FBH1: variants seen among roughly 807,000 people sequenced by gnomAD.
FBH1 encodes F-box DNA helicase 1.
FBH1 carries 43 observed loss-of-function variants against 115.5 expected under a neutral mutation model. The observed-to-expected ratio is 0.37, with a 90% confidence interval of 0.29 to 0.48. The LOEUF (loss-of-function observed/expected upper bound fraction) is 0.48. Among genes scored for constraint, FBH1 ranks in the 20% least tolerant of loss-of-function variants. The pLI, the probability that FBH1 is intolerant of heterozygous loss-of-function variation, is 0.99. For missense variants in FBH1, 1,001 were observed against 1,337.3 expected, an observed-to-expected ratio of 0.75 and a Z score of 3.92; for synonymous variants, 524 against 507.8, an observed-to-expected ratio of 1.03 and a Z score of -0.43.
At chr10:5,894,407 A>G in intron 1 of FBH1, 2 of 1,611,934 alleles carry the variant, frequency 1.2e-6, no homozygotes, top group Non-Finnish European at 1.7e-6. Flanking sequence ...GTGTCTAGAT[A>G]CAGAGTGAAG....
Position 5,932,570 on chromosome 10 carries a change from C to T in FBH1, c.2830-3886C>T, listed in dbSNP as rs948046516. Reference sequence around the variant, plus strand: ...CCGTTCTCGCTCATGGACGTGGTCACTTCCAGCCTTTTGCTTTCATTAATA... The same window carrying T: ...CCGTTCTCGCTCATGGACGTGGTCATTTCCAGCCTTTTGCTTTCATTAATA... On this transcript the variant is annotated intron_variant, in intron 19 of 20. Coordinates refer to ENST00000362091, the MANE Select transcript of FBH1 (RefSeq NM_178150.3). The surrounding 1 kb of genome is among the most constrained non-coding windows in gnomAD (Gnocchi z 5.9). 1.3e-5 allele frequency among the ~76,000 whole-genome samples: 2 copies of T among 152,214 alleles called. No individual in the cohort carries two copies. The highest frequency in any genetic ancestry group is 2.4e-5 in the African/African-American group (1 of 41,444).
At chr10:5,919,547 T>C (rs1450479364) in intron 13 of FBH1, among the ~76,000 whole-genome samples, 1 of 152,200 alleles carries the variant, frequency 6.6e-6, no homozygotes, top group African/African-American at 2.4e-5. Flanking sequence ...ATGGTAAATA[T>C]AGATAGATAG....
rs1437876422 is a variant in FBH1 at position 5,932,117 on chromosome 10, AGCCTGG to A, written c.2830-4337_2830-4332del. Among the ~76,000 whole-genome samples, 1 of 152,252 alleles carries A rather than the reference AGCCTGG, an allele frequency of 6.6e-6. No individual in the cohort carries two copies. The highest frequency in any genetic ancestry group is 1.5e-5 in the Non-Finnish European group (1 of 68,048). ...AGCTGAGATTGTGCCACTGCACTCC[AGCCTGG>A]GTGACAGAGTGAGACCCTGTCTCAA... On this transcript the variant is annotated intron_variant, in intron 19 of 20. Coordinates refer to ENST00000362091, the MANE Select transcript of FBH1 (RefSeq NM_178150.3). The surrounding 1 kb of genome is among the most constrained non-coding windows in gnomAD (Gnocchi z 5.9).
rs531601376 is a variant in FBH1, at chr10:5,925,508, G to T, written c.2722+16G>T. 1 of 1,612,952 alleles carries T rather than the reference G, an allele frequency of 6.2e-7. No individual in the cohort carries two copies. Among genetic ancestry groups the T allele is most frequent in the Non-Finnish European group, 8.5e-7 (1 of 1,179,832 alleles). On this transcript the variant is annotated intron_variant, in intron 18 of 20. Coordinates refer to ENST00000362091, the MANE Select transcript of FBH1 (RefSeq NM_178150.3). The surrounding 1 kb of genome is among the most constrained non-coding windows in gnomAD (Gnocchi z 4.6). The stretch of plus-strand genomic sequence containing the variant: ...TTCAGAGTTGGTAAGAGGCCGCCGG[G>T]TAGTGTCAGGTGCTGCTGTATGTAG...
chr10:5,897,567 T>C lies in FBH1; in HGVS notation c.2-5453T>C, dbSNP rs1430936634. Among the ~76,000 whole-genome samples, 3 of 152,168 alleles carry C rather than the reference T, an allele frequency of 2.0e-5. No individual in the cohort carries two copies. The highest frequency in any genetic ancestry group is 4.4e-5 in the Non-Finnish European group (3 of 67,998). ...GTGGGGAATCCAATAAAAGTGTTAA[T>C]AAAAATCCAATAAAAGTACCAGCTC... On this transcript the variant is annotated intron_variant, in intron 1 of 20. Transcript: ENST00000362091. This position sits in a 1 kb window ranked among gnomAD's most constrained non-coding sequence, Gnocchi z 4.7.
At position 5,921,332 on chromosome 10, in the gene FBH1, G is replaced by T; in HGVS notation, c.2175G>T (p.Lys725Asn). Residue 725 changes from lysine to asparagine, a missense_variant, in exon 14 of 21, where the codon AAG (lysine) becomes AAT (asparagine). This residue lies in a region of FBH1 where 521 missense variants were observed against 811.0 expected (regional missense o/e 0.64). Transcript: ENST00000362091. This position sits in a 1 kb window ranked among gnomAD's most constrained non-coding sequence, Gnocchi z 6.4. ...ILDVCKRVRK[K>N]TLVGGNHQSG... ...ATGTTTGCAAGAGAGTCAGGAAAAAGACTTTGGTTGGAGGAAACCATCAGA... is the reference window on the plus strand; with the variant it reads ...ATGTTTGCAAGAGAGTCAGGAAAAATACTTTGGTTGGAGGAAACCATCAGA... 1 of 1,614,188 alleles carries T rather than the reference G, an allele frequency of 6.2e-7. No homozygotes were observed. The highest frequency in any genetic ancestry group is 8.5e-7 in the Non-Finnish European group (1 of 1,180,032).
chr10:5,907,800 A>G (rs1168685947), intron 3 of FBH1, among the ~76,000 whole-genome samples: 2 of 152,114 alleles, frequency 1.3e-5, no homozygotes, highest in East Asian at 3.8e-4. Flanking sequence ...ATATCCATAT[A>G]TTTGTGGATT....
rs1377422833 is a variant in FBH1, at chr10:5,925,745, C to T, written c.2722+253C>T. The stretch of plus-strand genomic sequence containing the variant: ...TGGGATGATGATGTTTGTGGCGGCC[C>T]TGTGAGCCCTGCACTGCCCTCAGCT... On this transcript the variant is annotated intron_variant, in intron 18 of 20. Transcript: ENST00000362091. The surrounding 1 kb of genome is among the most constrained non-coding windows in gnomAD (Gnocchi z 4.6). Among the ~76,000 whole-genome samples, 1 of 152,240 alleles carries T rather than the reference C, an allele frequency of 6.6e-6. No homozygotes were observed. Among genetic ancestry groups the T allele is most frequent in the African/African-American group, 2.4e-5 (1 of 41,466 alleles).
chr10:5,893,920 C>A, intron 1 of FBH1: 1 of 882,672 alleles, frequency 1.1e-6, no homozygotes, highest in Non-Finnish European at 1.4e-6. Context: ...AAATTATATT[C>A]TAGACCATAA....
At chr10:5,930,892 C>T (rs144314752) in intron 19 of FBH1, among the ~76,000 whole-genome samples, 1,765 of 152,042 alleles carry the variant, frequency 0.012, 36 homozygotes, top group African/African-American at 0.039. Flanking sequence ...GCTGGGAACA[C>T]GCATGCACCA....
chr10:5,909,491 T>A lies in FBH1; in HGVS notation c.1020+197T>A. The A allele has an allele frequency of 1.8e-6, 1 of 550,838 alleles. No individual in the cohort carries two copies. Among genetic ancestry groups the A allele is most frequent in the Non-Finnish European group, 3.0e-6 (1 of 333,984 alleles). 34.1% of individuals were successfully genotyped at this position (550,838 alleles called of 1,614,324 possible). On this transcript the variant is annotated intron_variant, in intron 5 of 20. Coordinates refer to ENST00000362091, the MANE Select transcript of FBH1 (RefSeq NM_178150.3). The surrounding 1 kb of genome is among the most constrained non-coding windows in gnomAD (Gnocchi z 4.4). ...CCATATAATTGTAGAGTCTTAGATG[T>A]AGATGAAATTTTAACAAATCATTTA...
intron 1 of FBH1, chr10:5,894,449 G>A (rs1842898213): frequency 1.2e-5 from 18 of 1,536,106 alleles, no homozygotes; most frequent in Non-Finnish European, 1.5e-5. Flanking sequence ...CTGGACTAGG[G>A]GAGTCAGGAG....
intron 3 of FBH1, among the ~76,000 whole-genome samples, chr10:5,908,463 A>C (rs552282107): frequency 7.2e-4 from 110 of 152,348 alleles, no homozygotes; most frequent in African/African-American, 2.4e-3. Flanking sequence ...AACCAAGACC[A>C]AGACCCAGTT....
Position 5,903,094 on chromosome 10 carries a change from C to G in FBH1, c.76C>G (p.Gln26Glu), listed in dbSNP as rs1387347368. The change falls in exon 2 of 21, where the codon CAG (glutamine) becomes GAG (glutamate). Residue 26 changes from glutamine to glutamate, a missense_variant. By Grantham distance (29) the Gln-to-Glu change is conservative (BLOSUM62 2). Coordinates refer to ENST00000362091, the MANE Select transcript of FBH1 (RefSeq NM_178150.3). ...GGCTCGGAGTCACTTGGCTGTGACC[C>G]AGCCCTTCGGTCAAAGATGGACAAA... Reference protein sequence around the residue: ...HLARSHLAVTQPFGQRWTNRD... With the variant: ...HLARSHLAVTEPFGQRWTNRD... The G allele has an allele frequency of 6.2e-7, 1 of 1,613,786 alleles. No homozygotes were observed. The highest frequency in any genetic ancestry group is 2.2e-5 in the East Asian group (1 of 44,880).
Position 5,918,619 on chromosome 10 carries a change from C to T in FBH1, c.2100+141C>T. 1 of 1,124,186 alleles carries T rather than the reference C, an allele frequency of 8.9e-7. No homozygotes were observed. The allele number at this position is 1,124,186 out of a possible 1,614,324, so 69.6% of individuals were successfully genotyped here. On this transcript the variant is annotated intron_variant, in intron 13 of 20. Transcript: ENST00000362091. This position sits in a 1 kb window ranked among gnomAD's most constrained non-coding sequence, Gnocchi z 4.0. ...GCCATGGTTCTCAAAGTGTGGTTCT[C>T]AGGGGTCTGCCAAGTCACACTGTTT...
chr10:5,927,510 A>C lies in FBH1; in HGVS notation c.2798A>C (p.Lys933Thr). ...GCCAAGAAGCGTCTCATCATGACCA[A>C]ATCATTGGAAAACATTTTGACTTTG... ...TRAKKRLIMT[K>T]SLENILTLAG... The change falls in exon 19 of 21, where the codon AAA becomes ACA. Residue 933 changes from lysine to threonine, a missense_variant. Physicochemically the swap from Lys to Thr is moderately conservative, Grantham distance 78. Transcript: ENST00000362091. 6.2e-7 allele frequency: 1 copy of C among 1,613,240 alleles called. No individual in the cohort carries two copies. The highest frequency in any genetic ancestry group is 8.5e-7 in the Non-Finnish European group (1 of 1,179,820).
In FBH1 at chr10:5,911,922, G is replaced by T. The variant is rs1404565477; in HGVS notation, c.1211+794G>T. On this transcript the variant is annotated intron_variant, in intron 6 of 20. Transcript: ENST00000362091. This position sits in a 1 kb window ranked among gnomAD's most constrained non-coding sequence, Gnocchi z 5.4. ...CTGTGGGGAGAGCAGTTCAGAGAAGGTATAGATGCCTTAAGGGCCTGAAGA... is the reference window on the plus strand; with the variant it reads ...CTGTGGGGAGAGCAGTTCAGAGAAGTTATAGATGCCTTAAGGGCCTGAAGA... 6.6e-6 allele frequency among the ~76,000 whole-genome samples: 1 copy of T among 152,128 alleles called. No homozygotes were observed. Among genetic ancestry groups the T allele is most frequent in the Non-Finnish European group, 1.5e-5 (1 of 68,020 alleles).
intron 3 of FBH1, among the ~76,000 whole-genome samples, chr10:5,907,535 T>A (rs1376343847): frequency 6.8e-6 from 1 of 147,218 alleles, no homozygotes; most frequent in East Asian, 2.1e-4. Context: ...GTGCAGTGGC[T>A]CGACTTTGGC....
Position 5,921,526 on chromosome 10 carries a change from G to C in FBH1, c.2279G>C (p.Arg760Pro). The C allele has an allele frequency of 6.3e-7, 1 of 1,595,642 alleles. No homozygotes were observed. The highest frequency in any genetic ancestry group is 8.5e-7 in the Non-Finnish European group (1 of 1,175,760). ...GCCAACGTGTTTGATGAGGCCGTAC[G>C]GGTGACGGAAGGGGAATTCCCTTCA... ...TNANVFDEAV[R>P]VTEGEFPSRI... Residue 760 changes from arginine to proline, a missense_variant, in exon 15 of 21, where the codon CGG becomes CCG. This residue lies in a region of FBH1 where 521 missense variants were observed against 811.0 expected (regional missense o/e 0.64). Coordinates refer to ENST00000362091, the MANE Select transcript of FBH1 (RefSeq NM_178150.3). The surrounding 1 kb of genome is among the most constrained non-coding windows in gnomAD (Gnocchi z 6.4).
Sources: gnomAD v4.1 joint callset for allele counts (sites outside exome capture counted in the v4.1 genomes callset) on GRCh38, gnomAD v4.1.1 for gene constraint, gnomAD v4.1.1 regional missense constraint, Gnocchi (gnomAD v3.1) non-coding constraint, MANE v1.5 for transcripts, NCBI Gene and HGNC (gene_info 2026-07-23, HGNC 2026-07-21) for gene names.